Variants in NIM1K observed in about 807,000 individuals in gnomAD.
NIM1K encodes the protein serine/threonine-protein kinase NIM1.
In NIM1K, 35 loss-of-function variants were observed where a neutral mutation model predicts 37.1. The ratio of observed to expected loss-of-function variants is 0.94; its 90% CI spans 0.72 to 1.25. The LOEUF is 1.25. NIM1K is among the 50% of genes most tolerant of loss of function. The probability of loss-of-function intolerance (pLI) is 0.00; values close to 1 mark genes in which losing one functional copy is unlikely to be tolerated. For synonymous variants in NIM1K, 234 were observed against 206.6 expected (o/e 1.13, Z -1.14); for missense variants, 564 against 548.0 (o/e 1.03, Z -0.29).
intron 2 of NIM1K, among the ~76,000 whole-genome samples, chr5:43,257,802 T>C (rs1245166078): frequency 2.0e-5 from 3 of 151,604 alleles, no homozygotes; most frequent in Non-Finnish European, 2.9e-5. Context: ...CACATGCCTA[T>C]AGTCCACAGC....
At chr5:43,231,925 C>G in intron 1 of NIM1K, 1 of 963,038 alleles carries the variant, frequency 1.0e-6, no homozygotes, top group South Asian at 1.3e-5. Flanking sequence ...AACTCTCCTT[C>G]CTCCCTTCTC....
chr5:43,258,534 T>G (rs550049851), intron 2 of NIM1K, among the ~76,000 whole-genome samples: 1 of 152,112 alleles, frequency 6.6e-6, no homozygotes, highest in East Asian at 1.9e-4. Context: ...CTTGACTTTC[T>G]GTATTTGAGT....
chr5:43,212,983 T>G (rs1752225372), intron 1 of NIM1K, among the ~76,000 whole-genome samples: 1 of 152,218 alleles, frequency 6.6e-6, no homozygotes, highest in African/African-American at 2.4e-5. Flanking sequence ...GGCTCCCATA[T>G]GTGCCATTTA....
intron 2 of NIM1K, among the ~76,000 whole-genome samples, chr5:43,262,342 T>C (rs1753044239): frequency 6.6e-6 from 1 of 152,204 alleles, no homozygotes. Context: ...GTAAGTTGGA[T>C]TCCTAGGTAT....
chr5:43,198,975 G>T (rs1020732540), intron 1 of NIM1K, among the ~76,000 whole-genome samples: 1 of 151,666 alleles, frequency 6.6e-6, no homozygotes, highest in African/African-American at 2.4e-5. Flanking sequence ...GATCACCTGA[G>T]GTCAGGAGTT....
chr5:43,278,888 T>C (rs373525796), intron 3 of NIM1K, among the ~76,000 whole-genome samples: 1 of 152,172 alleles, frequency 6.6e-6, no homozygotes, highest in Admixed American at 6.5e-5. Context: ...CTGTGATATA[T>C]GACCAATCAT....
intron 1 of NIM1K, among the ~76,000 whole-genome samples, chr5:43,229,121 C>A (rs193175428): frequency 2.0e-5 from 3 of 152,182 alleles, no homozygotes; most frequent in Non-Finnish European, 4.4e-5. Flanking sequence ...GTGGCTCATG[C>A]CTGTAATTCC....
intron 1 of NIM1K, among the ~76,000 whole-genome samples, chr5:43,213,790 C>T (rs977278568): frequency 3.3e-5 from 5 of 151,874 alleles, no homozygotes; most frequent in African/African-American, 9.7e-5. Flanking sequence ...GCCACTGCCC[C>T]GGCCAATTTT....
intron 1 of NIM1K, among the ~76,000 whole-genome samples, chr5:43,234,252 T>TCATG (rs1403621065): frequency 1.3e-5 from 2 of 152,054 alleles, no homozygotes; most frequent in African/African-American, 2.4e-5. Context: ...TTTCATTCAT[T>TCATG]CATTCATTCA....
chr5:43,221,251 G>A (rs1752376213), intron 1 of NIM1K, among the ~76,000 whole-genome samples: 2 of 152,004 alleles, frequency 1.3e-5, no homozygotes, highest in Admixed American at 6.6e-5. Flanking sequence ...GTGGTGGGCC[G>A]ATCACTTGAC....
chr5:43,224,118 G>C (rs1374156747), intron 1 of NIM1K, among the ~76,000 whole-genome samples: 2 of 151,316 alleles, frequency 1.3e-5, no homozygotes, highest in Non-Finnish European at 2.9e-5. Context: ...GCCCAGGCAG[G>C]TCTCGAACTC....
At chr5:43,235,370 G>A (rs1752606215) in intron 1 of NIM1K, among the ~76,000 whole-genome samples, 1 of 152,142 alleles carries the variant, frequency 6.6e-6, no homozygotes, top group Non-Finnish European at 1.5e-5. Flanking sequence ...ATTAATACTG[G>A]AGGGTTTGAG....
chr5:43,207,112 T>C (rs766530970), intron 1 of NIM1K: 12 of 720,918 alleles, frequency 1.7e-5, no homozygotes, highest in African/African-American at 8.7e-5. Context: ...AGGTGGTGTA[T>C]GATGAAGATT....
At chr5:43,246,539 G>A (rs1247104900) in intron 2 of NIM1K, among the ~76,000 whole-genome samples, 1 of 151,596 alleles carries the variant, frequency 6.6e-6, no homozygotes, top group East Asian at 1.9e-4. Context: ...GCACAGTGCG[G>A]CACAGGAGAT....
chr5:43,250,073 C>T (rs1457091465), intron 2 of NIM1K, among the ~76,000 whole-genome samples: 2 of 151,698 alleles, frequency 1.3e-5, no homozygotes, highest in Non-Finnish European at 2.9e-5. Context: ...AGGATGGTCT[C>T]GATCTCCTGA....
intron 2 of NIM1K, among the ~76,000 whole-genome samples, chr5:43,258,621 T>G (rs1189482668): frequency 1.3e-5 from 2 of 152,054 alleles, no homozygotes; most frequent in African/African-American, 2.4e-5. Context: ...TTTTAAATGT[T>G]TTGTAGATAT....
intron 2 of NIM1K, among the ~76,000 whole-genome samples, chr5:43,272,951 C>T (rs1424473090): frequency 6.6e-6 from 1 of 152,112 alleles, no homozygotes; most frequent in Non-Finnish European, 1.5e-5. Context: ...CCTTGCTTTG[C>T]TATTACCACC....
At chr5:43,261,964 C>CT (rs1383055354) in intron 2 of NIM1K, among the ~76,000 whole-genome samples, 3 of 152,194 alleles carry the variant, frequency 2.0e-5, no homozygotes, top group Non-Finnish European at 4.4e-5. Context: ...TTCCATTGGT[C>CT]TATCTCTCTG....
chr5:43,274,762 T>C (rs1238498521), intron 2 of NIM1K, among the ~76,000 whole-genome samples: 1 of 152,242 alleles, frequency 6.6e-6, no homozygotes, highest in African/African-American at 2.4e-5. Context: ...CCTTTTTCCA[T>C]TCCAGAAGTC....
Sources: gnomAD v4.1 joint callset for allele counts (sites outside exome capture counted in the v4.1 genomes callset) on GRCh38, gnomAD v4.1.1 for gene constraint, MANE v1.5 for transcripts, NCBI Gene and HGNC (gene_info 2026-07-23, HGNC 2026-07-21) for gene names.